Variants in NRG3 observed in about 807,000 individuals in gnomAD.
NRG3 encodes the protein pro-neuregulin-3, membrane-bound isoform.
NRG3 carries 31 observed loss-of-function variants against 66.9 expected under a neutral mutation model. The observed-to-expected ratio is 0.46, with a 90% confidence interval of 0.35 to 0.63. The LOEUF (loss-of-function observed/expected upper bound fraction) is 0.63. NRG3 is among the 20% of genes least tolerant of loss of function. The probability of loss-of-function intolerance (pLI) is 0.00; values close to 1 mark genes in which losing one functional copy is unlikely to be tolerated. For missense variants in NRG3, 910 were observed against 878.9 expected (o/e 1.04, Z -0.45); for synonymous variants, 393 against 359.4 (o/e 1.09, Z -1.06).
At chr10:82,858,317 A>T (rs533617280) in intron 3 of NRG3, among the ~76,000 whole-genome samples, 1 of 152,044 alleles carries the variant, frequency 6.6e-6, no homozygotes, top group Non-Finnish European at 1.5e-5. Context: ...AGAACTCTTA[A>T]AGTCTACTCC....
At chr10:82,346,358 C>T (rs932433722) in intron 1 of NRG3, among the ~76,000 whole-genome samples, 15 of 146,054 alleles carry the variant, frequency 1.0e-4, no homozygotes, top group South Asian at 8.4e-4. Flanking sequence ...TTTATATGCT[C>T]GATTATATTT....
intron 1 of NRG3, among the ~76,000 whole-genome samples, chr10:82,014,474 C>T (rs2061705047): frequency 6.6e-6 from 1 of 152,194 alleles, no homozygotes; most frequent in African/African-American, 2.4e-5. Flanking sequence ...TAAACACCAT[C>T]ACAGAGTGTA....
At chr10:81,925,012 G>C (rs1846634340) in intron 1 of NRG3, among the ~76,000 whole-genome samples, 1 of 152,154 alleles carries the variant, frequency 6.6e-6, no homozygotes, top group Admixed American at 6.5e-5. Flanking sequence ...CCTATGCTCT[G>C]TGTGTTTGAT....
intron 1 of NRG3, among the ~76,000 whole-genome samples, chr10:82,021,657 G>T (rs2062065023): frequency 1.3e-5 from 2 of 152,018 alleles, no homozygotes; most frequent in Admixed American, 1.3e-4. Context: ...CAAGAATTTT[G>T]CTTCTCTGAT....
chr10:82,153,110 T>C (rs905147257), intron 1 of NRG3, among the ~76,000 whole-genome samples: 3 of 152,068 alleles, frequency 2.0e-5, no homozygotes, highest in African/African-American at 7.2e-5. Flanking sequence ...AGCTATGTAA[T>C]ATATTTTTAT....
intron 2 of NRG3, among the ~76,000 whole-genome samples, chr10:82,511,371 A>C (rs1845151369): frequency 6.6e-6 from 1 of 152,214 alleles, no homozygotes; most frequent in South Asian, 2.1e-4. Flanking sequence ...ACTTAAAATC[A>C]ATGACCTATT....
chr10:82,114,591 A>C (rs1314718119), intron 1 of NRG3, among the ~76,000 whole-genome samples: 1 of 152,074 alleles, frequency 6.6e-6, no homozygotes, highest in Non-Finnish European at 1.5e-5. Flanking sequence ...ACTTCTGGAG[A>C]AAAAAAGCAT....
chr10:82,748,499 G>A (rs772693536), intron 3 of NRG3, among the ~76,000 whole-genome samples: 3 of 151,202 alleles, frequency 2.0e-5, no homozygotes, highest in Non-Finnish European at 4.4e-5. Context: ...AAAAAAACTT[G>A]AAGGCACTGT....
intron 3 of NRG3, among the ~76,000 whole-genome samples, chr10:82,741,863 G>A (rs780543342): frequency 2.0e-5 from 3 of 151,900 alleles, no homozygotes; most frequent in African/African-American, 4.8e-5. Flanking sequence ...AATGACCTGC[G>A]GCAAACATTA....
chr10:82,028,672 C>A (rs1227268090), intron 1 of NRG3, among the ~76,000 whole-genome samples: 1 of 152,070 alleles, frequency 6.6e-6, no homozygotes, highest in Admixed American at 6.6e-5. Flanking sequence ...TTATACAAAC[C>A]CTCACTCTGG....
rs182836850 is a variant in NRG3, at chr10:82,647,513, T to C, written c.954-91064T>C. 8.9e-3 allele frequency among the ~76,000 whole-genome samples: 1,350 copies of C among 152,362 alleles called. 4 individuals carry two copies. The highest frequency in any genetic ancestry group is 0.013 in the Non-Finnish European group (883 of 68,038). On this transcript the variant is annotated intron_variant, in intron 2 of 8. Transcript: ENST00000372141. The stretch of plus-strand genomic sequence containing the variant: ...AGCATGATTTATAGTCCTTTGGGTA[T>C]ATATCCAGTAATGGGATGGCTGGGC...
intron 2 of NRG3, among the ~76,000 whole-genome samples, chr10:82,372,639 G>C (rs994386393): frequency 6.6e-6 from 1 of 152,024 alleles, no homozygotes; most frequent in Admixed American, 6.6e-5. Context: ...TGTTGCCCAG[G>C]CCAGAGTACA....
intron 2 of NRG3, among the ~76,000 whole-genome samples, chr10:82,688,178 A>G (rs1565204343): frequency 6.6e-6 from 1 of 152,176 alleles, no homozygotes; most frequent in African/African-American, 2.4e-5. Context: ...ATAGCTATTT[A>G]CTTCACTACA....
intron 1 of NRG3, among the ~76,000 whole-genome samples, chr10:82,299,454 C>G (rs2080262227): frequency 6.6e-6 from 1 of 151,974 alleles, no homozygotes; most frequent in Non-Finnish European, 1.5e-5. Context: ...GGCTGTGTTG[C>G]AACCACTATC....
intron 2 of NRG3, among the ~76,000 whole-genome samples, chr10:82,656,308 CTT>C (rs3040205): frequency 7.6e-6 from 1 of 131,990 alleles, no homozygotes; most frequent in Non-Finnish European, 1.6e-5. Flanking sequence ...TTTCTTTTTT[CTT>C]TTTTTTTTTT....
intron 2 of NRG3, among the ~76,000 whole-genome samples, chr10:82,508,333 T>G (rs1844865602): frequency 6.6e-6 from 1 of 152,190 alleles, no homozygotes; most frequent in Admixed American, 6.5e-5. Flanking sequence ...AAATGTATTT[T>G]AGCCTGTTGA....
Position 82,358,776 on chromosome 10 carries a change from C to A in NRG3, c.861C>A (p.Phe287Leu). Residue 287 changes from phenylalanine to leucine, a missense_variant, in exon 2 of 9, where the codon TTC becomes TTA. Transcript: ENST00000372141. ...TTYSTERSEH[F>L]KPCRDKDLAY... Reference sequence around the variant, plus strand: ...ATTCCACAGAGCGATCCGAGCACTTCAAACCCTGCCGAGACAAGGACCTTG... The same window carrying A: ...ATTCCACAGAGCGATCCGAGCACTTAAAACCCTGCCGAGACAAGGACCTTG... The A allele has an allele frequency of 1.9e-6, 3 of 1,614,188 alleles. No homozygotes were observed. Among genetic ancestry groups the A allele is most frequent in the South Asian group, 2.2e-5 (2 of 91,088 alleles).
intron 2 of NRG3, among the ~76,000 whole-genome samples, chr10:82,565,269 T>A (rs967344023): frequency 3.3e-5 from 5 of 152,154 alleles, no homozygotes; most frequent in Non-Finnish European, 5.9e-5. Flanking sequence ...CATTTGGTCT[T>A]CTAGGCAGTT....
chr10:82,050,658 C>A (rs770227135), intron 1 of NRG3, among the ~76,000 whole-genome samples: 2 of 151,966 alleles, frequency 1.3e-5, no homozygotes, highest in Non-Finnish European at 2.9e-5. Context: ...CTTTGCTATG[C>A]CTTCGTAGAC....
Sources: allele counts gnomAD v4.1 joint callset (sites outside exome capture counted in the v4.1 genomes callset), GRCh38; gene constraint gnomAD v4.1.1; transcripts MANE v1.5; gene names NCBI Gene and HGNC (gene_info 2026-07-23, HGNC 2026-07-21).